Variants in RIPOR1 observed in about 807,000 individuals in gnomAD.
RIPOR1 encodes the protein RHO family interacting cell polarization regulator 1.
In RIPOR1, 58 loss-of-function variants were observed where a neutral mutation model predicts 116.5. The observed-to-expected ratio is 0.50, with a 90% CI of 0.40 to 0.62. The LOEUF (loss-of-function observed/expected upper bound fraction) is 0.62, where lower values mean the gene tolerates loss of function less well. RIPOR1 is among the 20% of genes least tolerant of loss of function. The pLI is 0.00. For missense variants in RIPOR1, 1,372 were observed against 1,586.2 expected (o/e 0.86, Z 2.29); for synonymous variants, 605 against 650.0 (o/e 0.93, Z 1.05).
Position 67,540,938 on chromosome 16 carries a change from A to G in RIPOR1, c.801+234A>G, listed in dbSNP as rs2050962722. Among the ~76,000 whole-genome samples the G allele has an allele frequency of 6.6e-6, 1 of 151,996 alleles. No homozygotes were observed. The highest frequency in any genetic ancestry group is 1.5e-5 in the Non-Finnish European group (1 of 67,996). Reference sequence around the variant, plus strand: ...CTCATGATCTTCTGACCCTGTGAATATTTGACCTCCTAAGCTCCCATGAGG... The same window carrying G: ...CTCATGATCTTCTGACCCTGTGAATGTTTGACCTCCTAAGCTCCCATGAGG... On this transcript the variant is annotated intron_variant, in intron 10 of 21. Coordinates refer to ENST00000042381, the MANE Select transcript of RIPOR1 (RefSeq NM_024519.4). This position sits in a 1 kb window ranked among gnomAD's most constrained non-coding sequence, Gnocchi z 4.7.
chr16:67,521,479 G>C (rs2050494533), intron 1 of RIPOR1, among the ~76,000 whole-genome samples: 1 of 152,306 alleles, frequency 6.6e-6, no homozygotes, highest in South Asian at 2.1e-4. Flanking sequence ...TTTGTCAGGG[G>C]GCCTGGGCTG....
At chr16:67,536,403 G>A (rs1305605253) in intron 1 of RIPOR1, among the ~76,000 whole-genome samples, 8 of 152,108 alleles carry the variant, frequency 5.3e-5, no homozygotes, top group African/African-American at 1.4e-4. Context: ...AGCCAAGATC[G>A]TGCCACTGCA....
rs554667300 is a variant in RIPOR1, at chr16:67,538,347, C to T, written c.-23-77C>T. ...TGCCTAGCGACAGGAAAGACCTGCG[C>T]CAGCCCTGGATCCCGCTGCGTGGGA... On this transcript the variant is annotated intron_variant, in intron 1 of 21. Transcript: ENST00000042381. The T allele has an allele frequency of 2.0e-6, 3 of 1,494,062 alleles. No homozygotes were observed. In the East Asian group the frequency reaches 7.5e-5, roughly 37 times the overall value. 92.6% of individuals were successfully genotyped at this position (1,494,062 alleles called of 1,614,324 possible). A position where few individuals can be genotyped will look rare whatever the true frequency, so the allele number is the denominator to read the frequency against.
At position 67,546,707 on chromosome 16, in the gene RIPOR1, C is replaced by T. The variant is rs1380843690; in HGVS notation, c.*244C>T. On this transcript the variant is annotated 3_prime_UTR_variant, in exon 22 of 22. Coordinates refer to ENST00000042381, the MANE Select transcript of RIPOR1 (RefSeq NM_024519.4). ...AGTGTCTGGGGCTTGGCCACCCTGC[C>T]GCTGCCCAGCCACATCCCTTGGTTT... 11 of 562,536 alleles carry T rather than the reference C, an allele frequency of 2.0e-5. No homozygotes were observed. The highest frequency in any genetic ancestry group is 9.8e-5 in the Admixed American group (3 of 30,746). The allele number at this position is 562,536 out of a possible 1,614,324, so 34.8% of individuals were successfully genotyped here.
rs1004769004 is a variant in RIPOR1 at position 67,544,092 on chromosome 16, C to G, written c.2601-207C>G. On this transcript the variant is annotated intron_variant, in intron 14 of 21. Coordinates refer to ENST00000042381, the MANE Select transcript of RIPOR1 (RefSeq NM_024519.4). This position sits in a 1 kb window ranked among gnomAD's most constrained non-coding sequence, Gnocchi z 5.1. The stretch of plus-strand genomic sequence containing the variant: ...GTGGTCCCAGCTGGAGGTAGCATGG[C>G]GCAGACTGACTCCAGAGATCCCTAC... 3.3e-5 allele frequency among the ~76,000 whole-genome samples: 5 copies of G among 152,282 alleles called. No individual in the cohort carries two copies. Among genetic ancestry groups the G allele is most frequent in the African/African-American group, 1.2e-4 (5 of 41,552 alleles).
chr16:67,539,414 C>A (rs559244565), intron 4 of RIPOR1: 1 of 528,930 alleles, frequency 1.9e-6, no homozygotes, highest in Non-Finnish European at 3.4e-6. Flanking sequence ...ACACTTCTGC[C>A]GGGGCTTGAT....
chr16:67,520,975 G>A (rs1224389908), intron 1 of RIPOR1, among the ~76,000 whole-genome samples: 1 of 152,098 alleles, frequency 6.6e-6, no homozygotes, highest in African/African-American at 2.4e-5. Flanking sequence ...ACCTGGAAAG[G>A]TCAAAGGAGG....
Position 67,544,636 on chromosome 16 carries a change from C to A in RIPOR1, c.2734-59C>A. The A allele has an allele frequency of 6.2e-7, 1 of 1,603,734 alleles. No homozygotes were observed. The highest frequency in any genetic ancestry group is 8.5e-7 in the Non-Finnish European group (1 of 1,178,110). On this transcript the variant is annotated intron_variant, in intron 15 of 21. Transcript: ENST00000042381. This position sits in a 1 kb window ranked among gnomAD's most constrained non-coding sequence, Gnocchi z 5.1. ...GTGCATGCTGGGACTTGTCCCTGAG[C>A]ACGATCCTCCCGAGCCCTACCCTGA... is the stretch of plus-strand genomic sequence containing the variant.
chr16:67,529,942 T>C lies in RIPOR1; in HGVS notation c.-24+1028T>C. ...AGTCCTTGCCCCTGCGACACCCACC[T>C]CCGTGGTATTGGAGGGAGGAGAGGA... is the stretch of plus-strand genomic sequence containing the variant. On this transcript the variant is annotated intron_variant, in intron 1 of 21. Coordinates refer to ENST00000042381, the MANE Select transcript of RIPOR1 (RefSeq NM_024519.4). This position sits in a 1 kb window ranked among gnomAD's most constrained non-coding sequence, Gnocchi z 4.1. 2.3e-6 allele frequency: 2 copies of C among 872,460 alleles called. No homozygotes were observed. The highest frequency in any genetic ancestry group is 3.7e-6 in the Non-Finnish European group (2 of 540,694). 54.0% of individuals were successfully genotyped at this position (872,460 alleles called of 1,614,324 possible).
chr16:67,539,772 A>T (rs572431122), intron 5 of RIPOR1, 21 bp downstream of exon 5: 1 of 1,614,156 alleles, frequency 6.2e-7, no homozygotes, highest in African/African-American at 1.3e-5. Context: ...ATGGAATGGT[A>T]CTGGAAGGGG....
chr16:67,521,591 G>T (rs932457232), intron 1 of RIPOR1, among the ~76,000 whole-genome samples: 2 of 152,100 alleles, frequency 1.3e-5, no homozygotes, highest in African/African-American at 2.4e-5. Flanking sequence ...AAGGAAGGAC[G>T]CCCAGCCCAG....
intron 1 of RIPOR1, among the ~76,000 whole-genome samples, chr16:67,523,785 AT>A (rs2050517758): frequency 6.6e-6 from 1 of 151,488 alleles, no homozygotes; most frequent in African/African-American, 2.4e-5. Flanking sequence ...GGCTCAAGCG[AT>A]TCTCCCACCT....
Position 67,546,167 on chromosome 16 carries a change from G to A in RIPOR1, c.3498G>A (p.Val1166=). The A allele has an allele frequency of 1.2e-6, 2 of 1,614,068 alleles. No homozygotes were observed. The change falls in exon 21 of 22, where the codon GTG becomes GTA. Residue 1166 remains valine (V), a synonymous_variant. Coordinates refer to ENST00000042381, the MANE Select transcript of RIPOR1 (RefSeq NM_024519.4). ...CTCCCGAGGGCATTGAGCCCCTGGT[G>A]TACCTCTGCCAAACTGACACAGAAG... ...IKAPEGIEPL[V]YLCQTDTEAV... is the part of the protein sequence containing the mutation.
chr16:67,521,309 T>G (rs1192391070), intron 1 of RIPOR1, among the ~76,000 whole-genome samples: 1 of 152,046 alleles, frequency 6.6e-6, no homozygotes, highest in Admixed American at 6.5e-5. Flanking sequence ...CGCCTGGGGA[T>G]TCTCAGCCCC....
In RIPOR1 at chr16:67,545,700, C is replaced by T. The variant is rs1221718608; in HGVS notation, c.3227C>T (p.Ala1076Val). ...CGGAATCTGAACTCGGATGATCAGG[C>T]TGTTGTGCTGAAGGCCCTGAGATTG... Reference protein sequence around the residue: ...LVRNLNSDDQAVVLKALRLAP... With the variant: ...LVRNLNSDDQVVVLKALRLAP... The change falls in exon 19 of 22, where the codon GCT (alanine) becomes GTT (valine). Residue 1076 changes from alanine (A) to valine (V), a missense_variant. Transcript: ENST00000042381. This position sits in a 1 kb window ranked among gnomAD's most constrained non-coding sequence, Gnocchi z 4.8. 1 of 1,584,824 alleles carries T rather than the reference C, an allele frequency of 6.3e-7. No homozygotes were observed. The highest frequency in any genetic ancestry group is 8.6e-7 in the Non-Finnish European group (1 of 1,165,812).
chr16:67,538,829 G>A lies in RIPOR1; in HGVS notation c.257+5G>A. 6.2e-7 allele frequency: 1 copy of A among 1,612,628 alleles called. No homozygotes were observed. Among genetic ancestry groups the A allele is most frequent in the Non-Finnish European group, 8.5e-7 (1 of 1,179,868 alleles). Reference sequence around the variant, plus strand: ...GGCGCTGAAGCGGGGCCTGACGTGAGCAGCTCCTCTGTTCCCAGCCCTGTC... The same window carrying A: ...GGCGCTGAAGCGGGGCCTGACGTGAACAGCTCCTCTGTTCCCAGCCCTGTC... On this transcript the variant is annotated splice_donor_5th_base_variant and intron_variant, in intron 3 of 21. Transcript: ENST00000042381.
At position 67,538,493 on chromosome 16, in the gene RIPOR1, G is replaced by T. The variant is rs765902594; in HGVS notation, c.47G>T (p.Arg16Leu). 3 of 1,611,912 alleles carry T rather than the reference G, an allele frequency of 1.9e-6. No homozygotes were observed. The highest frequency in any genetic ancestry group is 2.5e-6 in the Non-Finnish European group (3 of 1,179,400). Residue 16 changes from arginine (R) to leucine (L), a missense_variant, in exon 2 of 22, where the codon CGG (arginine) becomes CTG (leucine). Arg to Leu is a moderately radical substitution (Grantham distance 102). This residue lies in a region of RIPOR1 where 165 missense variants were observed against 145.5 expected (regional missense o/e 1.13). Transcript: ENST00000042381. ...VRPQRRLLSA[R>L]VNRSQSFAGV... ...CCGCAGCGCCGTCTGCTCAGCGCCC[G>T]GGTCAATAGGAGCCAGTCCTTCGCA...
intron 4 of RIPOR1, 77 bp from the exon 5 acceptor site, chr16:67,539,651 T>C (rs2050911517): frequency 1.3e-6 from 2 of 1,539,118 alleles, no homozygotes; most frequent in South Asian, 2.2e-5. Flanking sequence ...AAAGGGGAGC[T>C]GTGACGAGTC....
In RIPOR1 at chr16:67,541,950, A is replaced by T; in HGVS notation, c.1164A>T (p.Pro388=). ...AATCTTCAGACGACTCATCCAGCCC[A>T]CAGCTCTCAGGCACTGCCCGCCACT... The part of the protein sequence containing the change: ...SSESSDDSSS[P]QLSGTARHSP... Residue 388 remains proline, a synonymous_variant, in exon 13 of 22, where the codon CCA becomes CCT. Coordinates refer to ENST00000042381, the MANE Select transcript of RIPOR1 (RefSeq NM_024519.4). The surrounding 1 kb of genome is among the most constrained non-coding windows in gnomAD (Gnocchi z 4.6). The T allele has an allele frequency of 6.2e-7, 1 of 1,612,238 alleles. No homozygotes were observed.
Sources: allele counts gnomAD v4.1 joint callset (sites outside exome capture counted in the v4.1 genomes callset), GRCh38; gene constraint gnomAD v4.1.1; regional missense constraint gnomAD v4.1.1; non-coding constraint Gnocchi (gnomAD v3.1); transcripts MANE v1.5; gene names NCBI Gene and HGNC (gene_info 2026-07-23, HGNC 2026-07-21).